Variants in FBXL3 observed in about 807,000 individuals in gnomAD.
The protein encoded by FBXL3 is F-box/LRR-repeat protein 3.
Under a neutral mutation model 37.9 loss-of-function variants are expected in FBXL3, and 14 were observed. The observed-to-expected ratio is 0.37, with a 90% CI of 0.24 to 0.58. FBXL3 has a LOEUF of 0.58. FBXL3 is among the 20% of genes least tolerant of loss of function. The pLI, the probability that FBXL3 is intolerant of heterozygous loss-of-function variation, is 0.74. For missense variants in FBXL3, 327 were observed against 511.1 expected (o/e 0.64, Z 3.47); for synonymous variants, 194 against 180.1 (o/e 1.08, Z -0.62).
chr13:77,021,776 C>T lies in FBXL3; in HGVS notation c.85G>A (p.Glu29Lys). Residue 29 changes from glutamate to lysine, a missense_variant, in exon 2 of 5, where the codon GAG becomes AAG. Coordinates refer to ENST00000355619, the MANE Select transcript of FBXL3 (RefSeq NM_012158.4). The part of the protein sequence containing the change: ...EKSKKLRTTN[E>K]HSQTCDWGNL... Reference sequence around the variant, plus strand: ...CCCCAATCACAAGTCTGAGAATGCTCATTTGTAGTCCTCAGTTTCTTGGAT... The same window carrying T: ...CCCCAATCACAAGTCTGAGAATGCTTATTTGTAGTCCTCAGTTTCTTGGAT... 1 of 1,613,778 alleles carries T rather than the reference C, an allele frequency of 6.2e-7. No homozygotes were observed. The highest frequency in any genetic ancestry group is 1.3e-5 in the African/African-American group (1 of 75,048).
At chr13:77,010,371 T>C (rs1229615705) in intron 4 of FBXL3, 1 of 152,090 alleles carries the variant, frequency 6.6e-6, no homozygotes, top group Non-Finnish European at 1.5e-5. Flanking sequence ...ATTCTCAAAA[T>C]GGCCTCCAAG....
chr13:77,025,422 T>C (rs895206067), intron 1 of FBXL3, among the ~76,000 whole-genome samples: 6 of 152,170 alleles, frequency 3.9e-5, no homozygotes, highest in South Asian at 2.1e-4. Context: ...GAACTAACTC[T>C]ATGTTCCATA....
chr13:77,016,701 C>CT (rs140502477), intron 3 of FBXL3: 3,914 of 147,546 alleles, frequency 0.027, 86 homozygotes, highest in Middle Eastern at 0.064. Flanking sequence ...ACCCAGCTAA[C>CT]TTTTTTTTTT....
chr13:77,010,154 A>G (rs1315026298), intron 4 of FBXL3: 1 of 152,202 alleles, frequency 6.6e-6, no homozygotes, highest in Non-Finnish European at 1.5e-5. Flanking sequence ...CCTAATGTAG[A>G]TGACAGGTTG....
At chr13:77,022,438 T>A (rs2034761877) in intron 1 of FBXL3, among the ~76,000 whole-genome samples, 1 of 152,158 alleles carries the variant, frequency 6.6e-6, no homozygotes, top group South Asian at 2.1e-4. Flanking sequence ...GCAGCTACAT[T>A]AGATTCTCAT....
chr13:77,022,001 C>CA, intron 1 of FBXL3, 140 bp from the exon 2 acceptor site: 2 of 682,776 alleles, frequency 2.9e-6, no homozygotes, highest in South Asian at 3.9e-5. Context: ...TCAAGAATAC[C>CA]AAAACAAACT....
intron 1 of FBXL3, among the ~76,000 whole-genome samples, chr13:77,024,111 T>C (rs1276719962): frequency 6.6e-6 from 1 of 152,220 alleles, no homozygotes; most frequent in African/African-American, 2.4e-5. Flanking sequence ...TATGTGTGAC[T>C]TGAGATTAGT....
At chr13:77,010,954 A>G (rs906649375) in intron 4 of FBXL3, 1 of 152,256 alleles carries the variant, frequency 6.6e-6, no homozygotes, top group East Asian at 1.9e-4. Context: ...CATAGTTCCA[A>G]GTATTTAAAA....
At chr13:77,022,799 A>C (rs747997459) in intron 1 of FBXL3, among the ~76,000 whole-genome samples, 4 of 152,176 alleles carry the variant, frequency 2.6e-5, no homozygotes, top group African/African-American at 9.7e-5. Context: ...TTTGAAAGAT[A>C]GTTTTTTCAT....
At position 77,018,479 on chromosome 13, in the gene FBXL3, C is replaced by T. The variant is rs2034684004; in HGVS notation, c.471+121G>A. The stretch of plus-strand genomic sequence containing the variant: ...TATTTATTTTCATCCTAAATAGTAA[C>T]TGGTTTTCCATTATGTATATATATA... On this transcript the variant is annotated intron_variant, in intron 3 of 4. Coordinates refer to ENST00000355619, the MANE Select transcript of FBXL3 (RefSeq NM_012158.4). 3 of 475,544 alleles carry T rather than the reference C, an allele frequency of 6.3e-6. No individual in the cohort carries two copies. The East Asian group carries it at 1.4e-4, about 23-fold the overall frequency. 29.5% of individuals were successfully genotyped at this position (475,544 alleles called of 1,614,324 possible).
At chr13:77,025,899 T>C (rs1043066990) in intron 1 of FBXL3, among the ~76,000 whole-genome samples, 3 of 152,146 alleles carry the variant, frequency 2.0e-5, no homozygotes, top group Admixed American at 6.5e-5. Flanking sequence ...CAAACTAATA[T>C]GCATTCTTTG....
chr13:77,007,810 T>C (rs1437948498), intron 4 of FBXL3, 22 bp from the exon 5 acceptor site: 13 of 1,523,390 alleles, frequency 8.5e-6, no homozygotes, highest in Non-Finnish European at 1.1e-5. Context: ...AAAAAAATTA[T>C]TTGCAAGTTT....
At chr13:77,018,569 T>C in intron 3 of FBXL3, 31 bp downstream of exon 3, 1 of 1,530,094 alleles carries the variant, frequency 6.5e-7, no homozygotes, top group Non-Finnish European at 8.8e-7. Flanking sequence ...AATTTCTCAG[T>C]AATAGATAAT....
Position 77,021,809 on chromosome 13 carries a change from C to A in FBXL3, c.52G>T (p.Ala18Ser), listed in dbSNP as rs766385956. 6.2e-7 allele frequency: 1 copy of A among 1,613,514 alleles called. No individual in the cohort carries two copies. The change falls in exon 2 of 5, where the codon GCA becomes TCA. Residue 18 changes from alanine (A) to serine (S), a missense_variant. Coordinates refer to ENST00000355619, the MANE Select transcript of FBXL3 (RefSeq NM_012158.4). ...GTCCTCAGTTTCTTGGATTTCTCTG[C>A]AGTTCCTTCTTCTGATGAATTACGG... ...SDRNSSEEGT[A>S]EKSKKLRTTN...
At chr13:77,025,687 C>CAAAAA (rs35934318) in intron 1 of FBXL3, among the ~76,000 whole-genome samples, 1,806 of 73,868 alleles carry the variant, frequency 0.024, 134 homozygotes, top group East Asian at 0.093. Context: ...GTCCTTGTCT[C>CAAAAA]AAAAAAAAAA....
chr13:77,020,605 G>GTTTTTT (rs1555276400), intron 2 of FBXL3, among the ~76,000 whole-genome samples: 2 of 149,448 alleles, frequency 1.3e-5, no homozygotes, highest in East Asian at 1.9e-4. Context: ...TTCATGCATT[G>GTTTTTT]TTTTTTTTTT....
In FBXL3 at chr13:77,026,001, TATAG is replaced by T. The variant is rs113720978; in HGVS notation, c.-2+822_-2+825del. ...GTGGCGAAAATCTGTCTACAGGTCA[TATAG>T]ATAGATAGATAACTGATAGTTGATG... On this transcript the variant is annotated intron_variant, in intron 1 of 4. Coordinates refer to ENST00000355619, the MANE Select transcript of FBXL3 (RefSeq NM_012158.4). 8.3e-4 allele frequency among the ~76,000 whole-genome samples: 125 copies of T among 151,500 alleles called. 1 individual carries two copies. In the East Asian group the frequency reaches 0.011, roughly 13 times the overall value.
chr13:77,012,408 C>G (rs2034570272), intron 4 of FBXL3, among the ~76,000 whole-genome samples: 1 of 152,092 alleles, frequency 6.6e-6, no homozygotes, highest in Admixed American at 6.5e-5. Flanking sequence ...TACAAGCAAA[C>G]TGCTATAAGC....
rs558793919 is a variant in FBXL3 at position 77,012,209 on chromosome 13, T to C, written c.643+3200A>G. Among the ~76,000 whole-genome samples the C allele has an allele frequency of 7.2e-5, 11 of 152,238 alleles. No homozygotes were observed. In the South Asian group the frequency reaches 2.3e-3, roughly 32 times the overall value. ...CACTACTCTACCAATACACTAAAAATCAATAAATTGTACATTTTAAATGAG... is the reference window on the plus strand; with the variant it reads ...CACTACTCTACCAATACACTAAAAACCAATAAATTGTACATTTTAAATGAG... On this transcript the variant is annotated intron_variant, in intron 4 of 4. Coordinates refer to ENST00000355619, the MANE Select transcript of FBXL3 (RefSeq NM_012158.4).
Sources: gnomAD v4.1 joint callset for allele counts (sites outside exome capture counted in the v4.1 genomes callset) on GRCh38, gnomAD v4.1.1 for gene constraint, MANE v1.5 for transcripts, NCBI Gene and HGNC (gene_info 2026-07-23, HGNC 2026-07-21) for gene names.